CPNE8: variants seen among roughly 807,000 people sequenced by gnomAD.
CPNE8 encodes the protein copine-8.
CPNE8 carries 45 observed loss-of-function variants against 81.5 expected under a neutral mutation model. The observed-to-expected ratio is 0.55, with a 90% CI of 0.44 to 0.71. The LOEUF (loss-of-function observed/expected upper bound fraction) is 0.71, where lower values mean the gene tolerates loss of function less well. Among genes scored for constraint, CPNE8 ranks in the 30% least tolerant of loss-of-function variants. The pLI is 0.00. For missense variants in CPNE8, 594 were observed against 672.1 expected (o/e 0.88, Z 1.28); for synonymous variants, 252 against 226.3 (o/e 1.11, Z -1.02).
At chr12:38,688,934 C>T (rs369430247) in intron 15 of CPNE8, among the ~76,000 whole-genome samples, 4 of 151,990 alleles carry the variant, frequency 2.6e-5, no homozygotes, top group African/African-American at 9.7e-5. Flanking sequence ...TCAAAAAACA[C>T]CTGTTCCCCC....
intron 16 of CPNE8, among the ~76,000 whole-genome samples, chr12:38,678,972 G>A (rs915271130): frequency 6.6e-6 from 1 of 151,684 alleles, no homozygotes; most frequent in Non-Finnish European, 1.5e-5. Flanking sequence ...CCTATTCCAC[G>A]TTTAACTTTT....
At chr12:38,785,265 T>G (rs556283992) in intron 6 of CPNE8, among the ~76,000 whole-genome samples, 1 of 151,476 alleles carries the variant, frequency 6.6e-6, no homozygotes, top group East Asian at 1.9e-4. Context: ...GACTCACTGA[T>G]AGTAGCAAGT....
At chr12:38,799,227 C>T (rs1175554845) in intron 6 of CPNE8, among the ~76,000 whole-genome samples, 1 of 152,120 alleles carries the variant, frequency 6.6e-6, no homozygotes, top group Non-Finnish European at 1.5e-5. Context: ...ACTCTCCACC[C>T]TAAATCAACA....
chr12:38,755,789 C>A (rs1941443707), intron 10 of CPNE8, among the ~76,000 whole-genome samples: 1 of 151,908 alleles, frequency 6.6e-6, no homozygotes, highest in African/African-American at 2.4e-5. Context: ...GCCTGTAATC[C>A]CAGCACTTTG....
intron 6 of CPNE8, among the ~76,000 whole-genome samples, chr12:38,800,126 C>A (rs1028552467): frequency 1.2e-4 from 15 of 128,204 alleles, no homozygotes; most frequent in East Asian, 2.2e-4. Context: ...ACAAAGCAGC[C>A]AGGAAGCTCG....
chr12:38,717,723 A>G (rs1940441230), intron 13 of CPNE8, among the ~76,000 whole-genome samples: 2 of 151,656 alleles, frequency 1.3e-5, no homozygotes, highest in Non-Finnish European at 2.9e-5. Context: ...TATATTGCTC[A>G]GGTGACAAGT....
chr12:38,666,365 G>A (rs1939056615), intron 19 of CPNE8, among the ~76,000 whole-genome samples: 1 of 152,096 alleles, frequency 6.6e-6, no homozygotes, highest in African/African-American at 2.4e-5. Context: ...TCCAAAAGTT[G>A]TTTAACTTTT....
chr12:38,856,530 C>T (rs898815896), intron 3 of CPNE8, among the ~76,000 whole-genome samples: 3 of 152,116 alleles, frequency 2.0e-5, no homozygotes, highest in Admixed American at 6.5e-5. Context: ...ACTAGCTAGA[C>T]ACCTGGTGTC....
rs567668250 is a variant in CPNE8, at chr12:38,888,993, C to T, written c.99-14482G>A. 1.8e-4 allele frequency among the ~76,000 whole-genome samples: 27 copies of T among 152,266 alleles called. No homozygotes were observed. In the East Asian group the frequency reaches 4.8e-3, roughly 27 times the overall value. ...ATAATTATCAAGCACTTTCTATATGCAATACACTGGACTAGAAGCTAAGTG... is the reference window on the plus strand; with the variant it reads ...ATAATTATCAAGCACTTTCTATATGTAATACACTGGACTAGAAGCTAAGTG... On this transcript the variant is annotated intron_variant, in intron 1 of 19. Coordinates refer to ENST00000331366, the MANE Select transcript of CPNE8 (RefSeq NM_153634.3).
intron 11 of CPNE8, 75 bp from the exon 12 acceptor site, chr12:38,724,974 G>T: frequency 7.8e-7 from 1 of 1,284,480 alleles, no homozygotes; most frequent in Non-Finnish European, 1.1e-6. Flanking sequence ...TTAAAAATGT[G>T]AAGTTTAACC....
At chr12:38,906,516 C>T, upstream of CPNE8, 1 of 985,688 alleles carries the variant, frequency 1.0e-6, no homozygotes, top group Middle Eastern at 5.2e-4. Context: ...AAATGGGGGC[C>T]GGGGAGGGTG....
chr12:38,773,022 G>A (rs1421145667), intron 7 of CPNE8, among the ~76,000 whole-genome samples: 1 of 152,006 alleles, frequency 6.6e-6, no homozygotes, highest in Non-Finnish European at 1.5e-5. Context: ...AGATAGATGA[G>A]CCTGGAAGAC....
At chr12:38,696,961 C>G (rs1939813003) in intron 14 of CPNE8, among the ~76,000 whole-genome samples, 1 of 152,160 alleles carries the variant, frequency 6.6e-6, no homozygotes, top group South Asian at 2.1e-4. Flanking sequence ...GCTGGAGAAT[C>G]ACTTGAGCCC....
chr12:38,874,551 C>A, intron 1 of CPNE8, 40 bp from the exon 2 acceptor site: 1 of 1,319,196 alleles, frequency 7.6e-7, no homozygotes, highest in Non-Finnish European at 1.1e-6. Flanking sequence ...GATATAAAAG[C>A]AAAATATTTA....
chr12:38,734,759 G>C (rs1361309417), intron 10 of CPNE8, among the ~76,000 whole-genome samples: 2 of 151,932 alleles, frequency 1.3e-5, no homozygotes, highest in Admixed American at 6.6e-5. Flanking sequence ...GTCACTTCTA[G>C]AATACAATCT....
chr12:38,812,102 G>A (rs568711403), intron 6 of CPNE8, among the ~76,000 whole-genome samples: 2 of 152,106 alleles, frequency 1.3e-5, no homozygotes, highest in Non-Finnish European at 2.9e-5. Context: ...CCAAAAATGG[G>A]GCAATAATCA....
chr12:38,654,451 G>C (rs1938772526), intron 19 of CPNE8, among the ~76,000 whole-genome samples: 1 of 142,730 alleles, frequency 7.0e-6, no homozygotes, highest in Non-Finnish European at 1.5e-5. Flanking sequence ...GGAGGCAGAG[G>C]TTGCAGTGAG....
At chr12:38,774,947 T>C (rs1011681998) in intron 7 of CPNE8, among the ~76,000 whole-genome samples, 1 of 152,168 alleles carries the variant, frequency 6.6e-6, no homozygotes, top group African/African-American at 2.4e-5. Flanking sequence ...TCATCTGTTA[T>C]TATAGTTCCT....
rs76303682 is a variant in CPNE8, at chr12:38,883,605, G to A, written c.99-9094C>T. 2.0e-3 allele frequency among the ~76,000 whole-genome samples: 301 copies of A among 152,288 alleles called. 1 individual carries two copies. Among genetic ancestry groups the A allele is most frequent in the African/African-American group, 6.9e-3 (286 of 41,558 alleles). ...TCATTCTATCCAACTAGGCTGTTTA[G>A]TAGTGATATGTTGCCTTCAATTGCT... On this transcript the variant is annotated intron_variant, in intron 1 of 19. Coordinates refer to ENST00000331366, the MANE Select transcript of CPNE8 (RefSeq NM_153634.3).
Sources: allele counts gnomAD v4.1 joint callset (sites outside exome capture counted in the v4.1 genomes callset), GRCh38; gene constraint gnomAD v4.1.1; transcripts MANE v1.5; gene names NCBI Gene and HGNC (gene_info 2026-07-23, HGNC 2026-07-21).